EPHA5: variants seen among roughly 807,000 people sequenced by gnomAD.
EPHA5 encodes the protein EPH receptor A5.
EPHA5 carries 60 observed loss-of-function variants against 105.0 expected under a neutral mutation model. The observed-to-expected ratio is 0.57, with a 90% confidence interval of 0.46 to 0.71. The LOEUF (loss-of-function observed/expected upper bound fraction) is 0.71, where lower values mean the gene tolerates loss of function less well. EPHA5 is among the 30% of genes least tolerant of loss of function. The pLI is 0.00. For missense variants in EPHA5, 1,218 were observed against 1,274.7 expected, an observed-to-expected ratio of 0.96 and a Z score of 0.68; for synonymous variants, 513 against 449.1, an observed-to-expected ratio of 1.14 and a Z score of -1.80.
At chr4:65,363,895 A>G (rs1717587170) in intron 11 of EPHA5, among the ~76,000 whole-genome samples, 1 of 151,432 alleles carries the variant, frequency 6.6e-6, no homozygotes. Flanking sequence ...TTGTTATTTC[A>G]CATATTTCCA....
chr4:65,659,119 T>A (rs1199908024), intron 1 of EPHA5, among the ~76,000 whole-genome samples: 1 of 151,848 alleles, frequency 6.6e-6, no homozygotes, highest in Non-Finnish European at 1.5e-5. Context: ...CTGCCCAAAA[T>A]AATATAATCT....
intron 1 of EPHA5, among the ~76,000 whole-genome samples, chr4:65,646,211 A>C (rs1004783414): frequency 1.3e-5 from 2 of 152,102 alleles, no homozygotes; most frequent in Non-Finnish European, 2.9e-5. Context: ...ATTATTACTT[A>C]ATATTCTATG....
At chr4:65,600,687 T>A (rs1472940079) in intron 3 of EPHA5, among the ~76,000 whole-genome samples, 1 of 152,156 alleles carries the variant, frequency 6.6e-6, no homozygotes, top group Non-Finnish European at 1.5e-5. Flanking sequence ...CCTAAGTTAA[T>A]ATTCATTAAC....
Position 65,389,471 on chromosome 4 carries a change from G to A in EPHA5, c.1793+14903C>T, listed in dbSNP as rs111388222. On this transcript the variant is annotated intron_variant, in intron 8 of 16. Transcript: ENST00000613740. ...AATATTTCTCCATATTTTGAAACAG[G>A]TTTCTCTTTGTATTAAACACTAAGG... 1.3e-3 allele frequency among the ~76,000 whole-genome samples: 192 copies of A among 151,788 alleles called. 1 individual carries two copies. The highest frequency in any genetic ancestry group is 3.8e-3 in the African/African-American group (157 of 41,406).
rs1458576751 is a variant in EPHA5 at position 65,321,520 on chromosome 4, C to T, written c.*2594G>A. 1 of 229,018 alleles carries T rather than the reference C, an allele frequency of 4.4e-6. No homozygotes were observed. Among genetic ancestry groups the T allele is most frequent in the African/African-American group, 2.2e-5 (1 of 45,178 alleles). 14.2% of individuals were successfully genotyped at this position (229,018 alleles called of 1,614,324 possible). On this transcript the variant is annotated 3_prime_UTR_variant, in exon 17 of 17. Transcript: ENST00000613740. ...GGGAGAGTACTTGTTGTTTGACAGT[C>T]TCTTTATTCATTCTAAAGTCATATT...
chr4:65,505,931 T>C (rs1332352990), intron 3 of EPHA5, among the ~76,000 whole-genome samples: 1 of 152,144 alleles, frequency 6.6e-6, no homozygotes, highest in East Asian at 1.9e-4. Context: ...ACATGTGCCA[T>C]GTTGGTGTGC....
intron 7 of EPHA5, among the ~76,000 whole-genome samples, chr4:65,405,983 C>G (rs1309103072): frequency 6.6e-6 from 1 of 152,100 alleles, no homozygotes; most frequent in Non-Finnish European, 1.5e-5. Flanking sequence ...CTTGAGTGAG[C>G]TGCAACTGCT....
intron 8 of EPHA5, among the ~76,000 whole-genome samples, chr4:65,367,642 G>A (rs969683179): frequency 2.0e-5 from 3 of 152,022 alleles, no homozygotes; most frequent in South Asian, 2.1e-4. Context: ...TCACTGAGGA[G>A]CCTGAAGCCA....
At chr4:65,518,154 CTT>C (rs1175865530) in intron 3 of EPHA5, among the ~76,000 whole-genome samples, 2 of 151,990 alleles carry the variant, frequency 1.3e-5, no homozygotes, top group African/African-American at 2.4e-5. Flanking sequence ...ACATTTCAAA[CTT>C]AATGTTTGAC....
chr4:65,330,342 AG>A lies in EPHA5; in HGVS notation c.2945+1630del, dbSNP rs555549006. The stretch of plus-strand genomic sequence containing the variant: ...ATAGAGGAGCAGATAGGAAAGAAAT[AG>A]AAAAAAAAGGAATAAGAAAAATGTG... On this transcript the variant is annotated intron_variant, in intron 16 of 16. Coordinates refer to ENST00000613740, the MANE Select transcript of EPHA5 (RefSeq NM_001281766.3). 3.5e-4 allele frequency among the ~76,000 whole-genome samples: 53 copies of A among 149,328 alleles called. 1 individual carries two copies. The highest frequency in any genetic ancestry group is 1.3e-3 in the African/African-American group (52 of 40,478).
intron 2 of EPHA5, among the ~76,000 whole-genome samples, chr4:65,608,513 A>G (rs1355591514): frequency 6.6e-6 from 1 of 152,058 alleles, no homozygotes; most frequent in African/African-American, 2.4e-5. Context: ...CAAAAAAAAA[A>G]AGAAAAAAAG....
intron 16 of EPHA5, among the ~76,000 whole-genome samples, chr4:65,327,769 A>C (rs2148787525): frequency 6.6e-6 from 1 of 151,354 alleles, no homozygotes; most frequent in South Asian, 2.1e-4. Context: ...ACACAGTATT[A>C]GAAAATGTTT....
intron 5 of EPHA5, among the ~76,000 whole-genome samples, chr4:65,451,685 A>G (rs912994205): frequency 6.6e-6 from 1 of 152,120 alleles, no homozygotes; most frequent in Non-Finnish European, 1.5e-5. Flanking sequence ...TAAACTTTCT[A>G]TATAATAGCA....
At chr4:65,443,327 A>G (rs759589696) in intron 5 of EPHA5, among the ~76,000 whole-genome samples, 2 of 151,782 alleles carry the variant, frequency 1.3e-5, no homozygotes, top group African/African-American at 2.4e-5. Flanking sequence ...CAAAACCGGT[A>G]ATTGTATGAG....
intron 3 of EPHA5, among the ~76,000 whole-genome samples, chr4:65,498,125 A>G (rs1732127631): frequency 6.6e-6 from 1 of 151,980 alleles, no homozygotes; most frequent in African/African-American, 2.4e-5. Context: ...CGTACCTTAA[A>G]GGGAGAAATC....
intron 5 of EPHA5, among the ~76,000 whole-genome samples, chr4:65,425,443 AAC>A (rs1398031165): frequency 6.6e-6 from 1 of 152,150 alleles, no homozygotes; most frequent in Non-Finnish European, 1.5e-5. Context: ...ATTCCAAAAC[AAC>A]ACAGAGTATT....
chr4:65,599,628 C>T (rs756764435), intron 3 of EPHA5, among the ~76,000 whole-genome samples: 1 of 152,072 alleles, frequency 6.6e-6, no homozygotes, highest in Non-Finnish European at 1.5e-5. Context: ...CTGTAGTAAA[C>T]TTTTTGCATT....
intron 4 of EPHA5, among the ~76,000 whole-genome samples, chr4:65,491,706 T>C (rs1171823375): frequency 6.6e-6 from 1 of 152,094 alleles, no homozygotes; most frequent in East Asian, 1.9e-4. Context: ...TAAGATGGAA[T>C]ATTTCCACTA....
In EPHA5 at chr4:65,557,929, G is replaced by A. The variant is rs1738621268; in HGVS notation, c.910+43712C>T. 1.3e-5 allele frequency among the ~76,000 whole-genome samples: 2 copies of A among 151,700 alleles called. 1 individual carries two copies. On this transcript the variant is annotated intron_variant, in intron 3 of 16. Transcript: ENST00000613740. ...GTCTAGCTCTGTCACCCAGGCTGGAGTGCAGTGATCTCAGCTCACTGCAAC... is the reference window on the plus strand; with the variant it reads ...GTCTAGCTCTGTCACCCAGGCTGGAATGCAGTGATCTCAGCTCACTGCAAC...
Sources: allele counts gnomAD v4.1 joint callset (sites outside exome capture counted in the v4.1 genomes callset), GRCh38; gene constraint gnomAD v4.1.1; transcripts MANE v1.5; gene names NCBI Gene and HGNC (gene_info 2026-07-23, HGNC 2026-07-21).